The following ZNF395 variants were observed in gnomAD, a reference collection of about 807,000 sequenced individuals.
ZNF395 encodes the protein HD gene regulatory region-binding protein 2.
Under a neutral mutation model 57.7 loss-of-function variants are expected in ZNF395, and 20 were observed. That is an observed-to-expected ratio of 0.35 (90% CI 0.24 to 0.50). The LOEUF (loss-of-function observed/expected upper bound fraction) is 0.50. Ranked by LOEUF, ZNF395 falls within the 20% of genes least tolerant of loss-of-function variation. ZNF395 has a pLI of 0.97. For synonymous variants in ZNF395, 295 were observed against 275.9 expected, an observed-to-expected ratio of 1.07 and a Z score of -0.69; for missense variants, 606 against 671.2, an observed-to-expected ratio of 0.90 and a Z score of 1.07.
chr8:28,378,581 C>G (rs1322936329), intron 1 of ZNF395, among the ~76,000 whole-genome samples: 3 of 152,024 alleles, frequency 2.0e-5, no homozygotes, highest in Non-Finnish European at 4.4e-5. Context: ...TAAAATGATC[C>G]CAGAAGGGTC....
intron 5 of ZNF395, 67 bp downstream of exon 5, chr8:28,353,106 G>T: frequency 2.6e-6 from 4 of 1,519,900 alleles, no homozygotes; most frequent in East Asian, 4.5e-5. Context: ...GCTCTCCACG[G>T]CTGGCTGTCC....
intron 4 of ZNF395, among the ~76,000 whole-genome samples, chr8:28,354,151 C>G (rs1419510488): frequency 6.6e-6 from 1 of 152,174 alleles, no homozygotes; most frequent in Non-Finnish European, 1.5e-5. Flanking sequence ...AGGGGGCTTT[C>G]GTGCCTGACA....
At chr8:28,357,168 G>A (rs974828872) in intron 3 of ZNF395, among the ~76,000 whole-genome samples, 3 of 152,064 alleles carry the variant, frequency 2.0e-5, no homozygotes, top group African/African-American at 7.2e-5. Context: ...AAATGAACAC[G>A]AGGACAAAAG....
chr8:28,371,338 A>T (rs1171885288), intron 1 of ZNF395, among the ~76,000 whole-genome samples: 2 of 152,146 alleles, frequency 1.3e-5, no homozygotes, highest in Non-Finnish European at 2.9e-5. Context: ...GTGCCACCAC[A>T]TCTGACTCAT....
At chr8:28,370,708 G>T (rs896775291) in intron 1 of ZNF395, among the ~76,000 whole-genome samples, 1 of 152,184 alleles carries the variant, frequency 6.6e-6, no homozygotes, top group African/African-American at 2.4e-5. Context: ...TCAGCACCGG[G>T]TGCTGGTGAG....
chr8:28,361,946 C>A (rs187507223), intron 1 of ZNF395, among the ~76,000 whole-genome samples: 211 of 152,128 alleles, frequency 1.4e-3, no homozygotes, highest in African/African-American at 4.5e-3. Flanking sequence ...ACAAAATTAG[C>A]CAGGCATGGT....
In ZNF395 at chr8:28,351,679, G is replaced by C; in HGVS notation, c.1049C>G (p.Thr350Ser). ...GCTGGGGGTGGGAGCTGGCTCGGAG[G>C]TGGGAGTCCCAGGGACTGGGGTGCC... The part of the protein sequence containing the change: ...AAGTPVPGTP[T>S]SEPAPTPSMT... The change falls in exon 7 of 10, where the codon ACC becomes AGC. Residue 350 changes from threonine to serine, a missense_variant. Physicochemically the swap from Thr to Ser is moderately conservative, Grantham distance 58. This residue lies in a region of ZNF395 where 261 missense variants were observed against 240.3 expected (regional missense o/e 1.09). Transcript: ENST00000344423. The C allele has an allele frequency of 6.2e-7, 1 of 1,612,388 alleles. No homozygotes were observed. The highest frequency in any genetic ancestry group is 8.5e-7 in the Non-Finnish European group (1 of 1,179,922).
rs1353889609 is a variant in ZNF395, at chr8:28,356,492, G to A, written c.583+178C>T. On this transcript the variant is annotated intron_variant, in intron 4 of 9. Coordinates refer to ENST00000344423, the MANE Select transcript of ZNF395 (RefSeq NM_018660.3). The surrounding 1 kb of genome is among the most constrained non-coding windows in gnomAD (Gnocchi z 4.0). ...CTCCTCCCCAGGTGAGGAAACTGAG[G>A]AAAAAGAACGGAAGCATCTAACTCC... Among the ~76,000 whole-genome samples, 1 of 152,218 alleles carries A rather than the reference G, an allele frequency of 6.6e-6. No homozygotes were observed. The highest frequency in any genetic ancestry group is 1.5e-5 in the Non-Finnish European group (1 of 68,030).
In ZNF395 at chr8:28,348,553, G is replaced by A. The variant is rs146839651; in HGVS notation, c.*166C>T. 7 of 626,986 alleles carry A rather than the reference G, an allele frequency of 1.1e-5. No individual in the cohort carries two copies. The highest frequency in any genetic ancestry group is 3.7e-5 in the South Asian group (2 of 54,098). 38.8% of individuals were successfully genotyped at this position (626,986 alleles called of 1,614,324 possible). On this transcript the variant is annotated 3_prime_UTR_variant, in exon 10 of 10. Coordinates refer to ENST00000344423, the MANE Select transcript of ZNF395 (RefSeq NM_018660.3). ...CTTTTTTTTAAAAAATAAAATGTTC[G>A]CACAATGGGAGAAAATTGCTTTAAG...
In ZNF395 at chr8:28,361,191, A is replaced by G; in HGVS notation, c.-58-9T>C. On this transcript the variant is annotated splice_polypyrimidine_tract_variant and intron_variant, in intron 1 of 9. Transcript: ENST00000344423. ...AAGCCTCTGCCCATCACCTGGGGGA[A>G]TCAGGAAGCTTTCAGGAGGGAGCCC... The G allele has an allele frequency of 6.2e-7, 1 of 1,601,946 alleles. No homozygotes were observed. Among genetic ancestry groups the G allele is most frequent in the Non-Finnish European group, 8.5e-7 (1 of 1,179,338 alleles).
At chr8:28,371,305 CA>C (rs1279799766) in intron 1 of ZNF395, among the ~76,000 whole-genome samples, 1 of 152,188 alleles carries the variant, frequency 6.6e-6, no homozygotes, top group African/African-American at 2.4e-5. Context: ...CTCAACCTCC[CA>C]AATAGCTGCG....
chr8:28,352,669 G>A lies in ZNF395; in HGVS notation c.824C>T (p.Ser275Phe), dbSNP rs1392975448. The A allele has an allele frequency of 6.2e-7, 1 of 1,613,704 alleles. No homozygotes were observed. The part of the protein sequence containing the change: ...DEPAPRKRKN[S>F]VKVMYKCLWP... ...CAGGCACTTGTACATCACCTTCACA[G>A]AGTTCTACAGGAAAGGAAGACAGGG... Residue 275 changes from serine (S) to phenylalanine (F), a missense_variant, in exon 6 of 10, where the codon TCT (serine) becomes TTT (phenylalanine). Coordinates refer to ENST00000344423, the MANE Select transcript of ZNF395 (RefSeq NM_018660.3). This position sits in a 1 kb window ranked among gnomAD's most constrained non-coding sequence, Gnocchi z 4.0.
rs184780645 is a variant in ZNF395 at position 28,353,730 on chromosome 8, G to A, written c.584-322C>T. On this transcript the variant is annotated intron_variant, in intron 4 of 9. Coordinates refer to ENST00000344423, the MANE Select transcript of ZNF395 (RefSeq NM_018660.3). ...CGGTCTCAAACTCCTATCCTCAAGC[G>A]ATCCTCTGGCCTCAGCCTCCCAAAG... Among the ~76,000 whole-genome samples, 143 of 152,048 alleles carry A rather than the reference G, an allele frequency of 9.4e-4. 2 individuals carry two copies. The South Asian group carries it at 0.018, about 19-fold the overall frequency.
At chr8:28,372,049 A>T (rs946149269) in intron 1 of ZNF395, among the ~76,000 whole-genome samples, 2 of 152,098 alleles carry the variant, frequency 1.3e-5, no homozygotes, top group Admixed American at 1.3e-4. Flanking sequence ...TCTCAAAAAA[A>T]AAAATAGTTT....
intron 1 of ZNF395, among the ~76,000 whole-genome samples, chr8:28,383,761 G>A (rs1034588696): frequency 6.6e-6 from 1 of 151,382 alleles, no homozygotes; most frequent in Non-Finnish European, 1.5e-5. Flanking sequence ...TCCCTCTCCC[G>A]GCATCTGTAG....
intron 1 of ZNF395, among the ~76,000 whole-genome samples, chr8:28,362,275 T>A (rs1801859440): frequency 6.6e-6 from 1 of 152,180 alleles, no homozygotes; most frequent in Non-Finnish European, 1.5e-5. Context: ...CTCCCAGGCC[T>A]GACCCGGCTG....
Position 28,360,947 on chromosome 8 carries a change from C to T in ZNF395, c.178G>A (p.Glu60Lys). The change falls in exon 2 of 10, where the codon GAA (glutamate) becomes AAA (lysine). Residue 60 changes from glutamate to lysine, a missense_variant. Glu to Lys is a moderately conservative substitution (Grantham distance 56). Coordinates refer to ENST00000344423, the MANE Select transcript of ZNF395 (RefSeq NM_018660.3). Reference sequence around the variant, plus strand: ...GAGGTGCTGGGAGCCTTAAGGACTTCCTTGGGCTGCTCCTGGCAGGGGGTG... The same window carrying T: ...GAGGTGCTGGGAGCCTTAAGGACTTTCTTGGGCTGCTCCTGGCAGGGGGTG... Reference protein sequence around the residue: ...DDTPCQEQPKEVLKAPSTSGL... With the variant: ...DDTPCQEQPKKVLKAPSTSGL... The T allele has an allele frequency of 6.2e-7, 1 of 1,613,870 alleles. No homozygotes were observed. The highest frequency in any genetic ancestry group is 8.5e-7 in the Non-Finnish European group (1 of 1,179,920).
chr8:28,349,103 G>A (rs1378249076), intron 9 of ZNF395, 22 bp downstream of exon 9: 1 of 1,559,762 alleles, frequency 6.4e-7, no homozygotes, highest in Non-Finnish European at 8.7e-7. Context: ...CAGAAGGCAG[G>A]GGACGACAGC....
chr8:28,362,359 C>T (rs1165546993), intron 1 of ZNF395, among the ~76,000 whole-genome samples: 1 of 152,234 alleles, frequency 6.6e-6, no homozygotes. Flanking sequence ...CACGTGGCTC[C>T]TCAGTTCCTA....
Sources: gnomAD v4.1 joint callset for allele counts (sites outside exome capture counted in the v4.1 genomes callset) on GRCh38, gnomAD v4.1.1 for gene constraint, gnomAD v4.1.1 regional missense constraint, Gnocchi (gnomAD v3.1) non-coding constraint, MANE v1.5 for transcripts, NCBI Gene and HGNC (gene_info 2026-07-23, HGNC 2026-07-21) for gene names.